Variants in CFAP299 observed in about 807,000 individuals in gnomAD.
CFAP299 encodes the protein cilia- and flagella-associated protein 299.
In CFAP299, 21 loss-of-function variants were observed where a neutral mutation model predicts 27.0. The observed-to-expected ratio is 0.78, with a 90% CI of 0.55 to 1.12. The LOEUF (loss-of-function observed/expected upper bound fraction) is 1.12, where lower values mean the gene tolerates loss of function less well. CFAP299 is among the 50% of genes most tolerant of loss of function. CFAP299 has a pLI of 0.00. For synonymous variants in CFAP299, 104 were observed against 98.1 expected (o/e 1.06, Z -0.36); for missense variants, 310 against 276.6 (o/e 1.12, Z -0.86).
chr4:80,466,321 C>T (rs1380641423), intron 2 of CFAP299, among the ~76,000 whole-genome samples: 1 of 152,070 alleles, frequency 6.6e-6, no homozygotes, highest in Non-Finnish European at 1.5e-5. Flanking sequence ...GGAAATAACA[C>T]TCTAAGTATT....
chr4:80,751,263 CTGGGGACCCCTAT>C (rs1724914029), intron 3 of CFAP299, among the ~76,000 whole-genome samples: 1 of 152,168 alleles, frequency 6.6e-6, no homozygotes, highest in South Asian at 2.1e-4. Context: ...TAGGAGGTGG[CTGGGGACCCCTAT>C]TGGGAGGTCT....
intron 2 of CFAP299, among the ~76,000 whole-genome samples, chr4:80,417,979 T>G (rs778491380): frequency 9.8e-5 from 15 of 152,298 alleles, no homozygotes; most frequent in Middle Eastern, 3.4e-3. Flanking sequence ...CACCTTGATC[T>G]TGAACATCCC....
intron 4 of CFAP299, among the ~76,000 whole-genome samples, chr4:80,925,377 A>G (rs965281104): frequency 5.9e-5 from 9 of 151,990 alleles, no homozygotes; most frequent in African/African-American, 2.2e-4. Flanking sequence ...GATTTACGCT[A>G]CTACAATGAT....
At chr4:80,374,282 G>T (rs1365819547) in intron 2 of CFAP299, among the ~76,000 whole-genome samples, 2 of 152,158 alleles carry the variant, frequency 1.3e-5, no homozygotes, top group East Asian at 3.9e-4. Flanking sequence ...CCTAGGTCTT[G>T]TAGTATATGT....
chr4:80,879,666 T>A (rs750423731), intron 4 of CFAP299, among the ~76,000 whole-genome samples: 2 of 152,166 alleles, frequency 1.3e-5, no homozygotes, highest in Non-Finnish European at 2.9e-5. Context: ...TTTTAAAGAG[T>A]GTGAGTGAAG....
chr4:80,702,427 G>A (rs1398793094), intron 3 of CFAP299, among the ~76,000 whole-genome samples: 1 of 151,772 alleles, frequency 6.6e-6, no homozygotes, highest in Non-Finnish European at 1.5e-5. Context: ...ACACTGAGCT[G>A]TTTTTTAAGT....
chr4:80,479,417 G>A lies in CFAP299; in HGVS notation c.243-103676G>A, dbSNP rs188065061. On this transcript the variant is annotated intron_variant, in intron 2 of 5. Coordinates refer to ENST00000358105, the MANE Select transcript of CFAP299 (RefSeq NM_152770.3). The stretch of plus-strand genomic sequence containing the variant: ...TTTATGGCATATAAGGATTCCAATA[G>A]TCAAATAGCTTTGGGAAATGATGGT... Among the ~76,000 whole-genome samples, 7 of 152,042 alleles carry A rather than the reference G, an allele frequency of 4.6e-5. No individual in the cohort carries two copies. The East Asian group carries it at 1.4e-3, about 29-fold the overall frequency.
chr4:80,426,470 A>G (rs980086508), intron 2 of CFAP299, among the ~76,000 whole-genome samples: 6 of 152,216 alleles, frequency 3.9e-5, no homozygotes, highest in Non-Finnish European at 5.9e-5. Context: ...GCTAGAATAC[A>G]GTGAATTTAG....
At chr4:80,632,691 T>C (rs1739273054) in intron 3 of CFAP299, among the ~76,000 whole-genome samples, 1 of 151,158 alleles carries the variant, frequency 6.6e-6, no homozygotes, top group African/African-American at 2.4e-5. Flanking sequence ...AATCTTTGCA[T>C]GATGAGGTGC....
At chr4:80,354,788 C>T (rs761150408) in intron 1 of CFAP299, among the ~76,000 whole-genome samples, 2 of 151,984 alleles carry the variant, frequency 1.3e-5, no homozygotes, top group Non-Finnish European at 2.9e-5. Flanking sequence ...TTTTCTGTTC[C>T]TGTGTTAGTT....
At chr4:80,901,012 G>A (rs1398848122) in intron 4 of CFAP299, among the ~76,000 whole-genome samples, 1 of 151,876 alleles carries the variant, frequency 6.6e-6, no homozygotes, top group Non-Finnish European at 1.5e-5. Context: ...CAATTAAAAA[G>A]GGTTTGCAAT....
chr4:80,555,315 G>A (rs754779149), intron 2 of CFAP299, among the ~76,000 whole-genome samples: 14 of 152,112 alleles, frequency 9.2e-5, no homozygotes, highest in Non-Finnish European at 1.9e-4. Context: ...ATTTGCTTAT[G>A]TTGAACCAAA....
intron 2 of CFAP299, among the ~76,000 whole-genome samples, chr4:80,527,302 T>TA (rs1235686781): frequency 4.0e-5 from 6 of 150,786 alleles, no homozygotes; most frequent in African/African-American, 1.5e-4. Flanking sequence ...AGGTTTTTTT[T>TA]TAAATAATAA....
chr4:80,961,288 TAA>T (rs1373223619), intron 5 of CFAP299, among the ~76,000 whole-genome samples: 1 of 151,760 alleles, frequency 6.6e-6, no homozygotes, highest in African/African-American at 2.4e-5. Flanking sequence ...CTAACACTGA[TAA>T]ATCATAGAAT....
At chr4:80,753,986 A>G (rs1410402364) in intron 3 of CFAP299, among the ~76,000 whole-genome samples, 1 of 152,138 alleles carries the variant, frequency 6.6e-6, no homozygotes, top group Non-Finnish European at 1.5e-5. Context: ...CAATACTGTT[A>G]TATCTGAGTC....
At chr4:80,682,785 A>G (rs1023994511) in intron 3 of CFAP299, among the ~76,000 whole-genome samples, 5 of 152,036 alleles carry the variant, frequency 3.3e-5, no homozygotes, top group Non-Finnish European at 5.9e-5. Context: ...ATTCTCACCC[A>G]TTAGGCCTCC....
chr4:80,942,548 A>G (rs1323839796), intron 4 of CFAP299, among the ~76,000 whole-genome samples: 1 of 152,190 alleles, frequency 6.6e-6, no homozygotes, highest in Non-Finnish European at 1.5e-5. Context: ...TCTGCTTAGG[A>G]GAACAAAAGT....
chr4:80,565,292 T>C (rs1735224438), intron 2 of CFAP299, among the ~76,000 whole-genome samples: 1 of 152,166 alleles, frequency 6.6e-6, no homozygotes, highest in South Asian at 2.1e-4. Context: ...TCAAGTACTA[T>C]GTACCTAAAA....
intron 2 of CFAP299, among the ~76,000 whole-genome samples, chr4:80,501,806 C>G (rs1341028348): frequency 6.6e-6 from 1 of 151,544 alleles, no homozygotes; most frequent in East Asian, 1.9e-4. Flanking sequence ...ACAAAGCATA[C>G]AAAGTATAGT....
Sources: allele counts gnomAD v4.1 joint callset (sites outside exome capture counted in the v4.1 genomes callset), GRCh38; gene constraint gnomAD v4.1.1; transcripts MANE v1.5; gene names NCBI Gene and HGNC (gene_info 2026-07-23, HGNC 2026-07-21).